Variants in DPP6 observed in about 807,000 individuals in gnomAD.
DPP6 encodes the protein dipeptidyl peptidase like 6.
In DPP6, 69 loss-of-function variants were observed where a neutral mutation model predicts 122.6. The ratio of observed to expected loss-of-function variants is 0.56; its 90% confidence interval spans 0.46 to 0.69. The LOEUF is 0.69. DPP6 is among the 30% of genes least tolerant of loss of function. DPP6 has a pLI of 0.00. For missense variants in DPP6, 928 were observed against 1,116.9 expected (o/e 0.83, Z 2.41); for synonymous variants, 418 against 433.1 (o/e 0.97, Z 0.43).
At chr7:154,566,678 A>G (rs1277269986) in intron 4 of DPP6, among the ~76,000 whole-genome samples, 164 bp from the exon 5 acceptor site, 1 of 152,224 alleles carries the variant, frequency 6.6e-6, no homozygotes, top group Non-Finnish European at 1.5e-5. Flanking sequence ...TAAAATATGA[A>G]AAAACATCAA....
intron 1 of DPP6, among the ~76,000 whole-genome samples, chr7:154,031,757 G>A (rs1032428766): frequency 5.9e-5 from 9 of 152,050 alleles, no homozygotes; most frequent in African/African-American, 1.9e-4. Flanking sequence ...AGCATTTCTG[G>A]AGTCCAGGCT....
chr7:154,359,842 C>T (rs1175326767), intron 1 of DPP6, among the ~76,000 whole-genome samples: 3 of 152,148 alleles, frequency 2.0e-5, no homozygotes, highest in East Asian at 1.9e-4. Flanking sequence ...GTTAGAGAAA[C>T]GTTTTGACTA....
At chr7:154,422,711 G>A (rs1474236988) in intron 1 of DPP6, among the ~76,000 whole-genome samples, 1 of 149,084 alleles carries the variant, frequency 6.7e-6, no homozygotes, top group African/African-American at 2.5e-5. Flanking sequence ...GTGGGTAGAT[G>A]GATGGGTGAG....
the DPP6 span, among the ~76,000 whole-genome samples, chr7:153,840,427 T>C: frequency 6.6e-6 from 1 of 152,188 alleles, no homozygotes; most frequent in South Asian, 2.1e-4. Context: ...TGTAATTTGA[T>C]TTTGGTACTT....
the DPP6 span, among the ~76,000 whole-genome samples, chr7:153,820,443 C>A: frequency 6.6e-6 from 1 of 152,156 alleles, no homozygotes; most frequent in Non-Finnish European, 1.5e-5. Flanking sequence ...TTAGCAGAGG[C>A]CTTCAGAATG....
At chr7:153,886,107 G>A (rs1418452616), upstream of DPP6, among the ~76,000 whole-genome samples, 1 of 111,550 alleles carries the variant, frequency 9.0e-6, no homozygotes, top group Non-Finnish European at 1.9e-5. Context: ...GCGCTGGCAC[G>A]CCCTTACACA....
At chr7:153,982,371 T>C (rs557007491) in intron 1 of DPP6, among the ~76,000 whole-genome samples, 16 of 151,712 alleles carry the variant, frequency 1.1e-4, no homozygotes, top group African/African-American at 2.2e-4. Flanking sequence ...ACAAAGTTCT[T>C]GTGCTGTGTT....
chr7:154,062,101 G>T lies in DPP6; in HGVS notation c.243+9038G>T, dbSNP rs75881534. On this transcript the variant is annotated intron_variant, in intron 1 of 25. Transcript: ENST00000377770. ...GCTCTTAGGACCCCCATCGCAGAGGGGGGACGCACCCCCCGCGAGGCGGGG... is the reference window on the plus strand; with the variant it reads ...GCTCTTAGGACCCCCATCGCAGAGGTGGGACGCACCCCCCGCGAGGCGGGG... 2.1e-4 allele frequency among the ~76,000 whole-genome samples: 21 copies of T among 102,000 alleles called. 2 individuals carry two copies. The highest frequency in any genetic ancestry group is 1.1e-3 in the East Asian group (4 of 3,536). 66.9% of individuals were successfully genotyped at this position (102,000 alleles called of 152,430 possible).
intron 1 of DPP6, among the ~76,000 whole-genome samples, chr7:154,003,952 C>G (rs6959181): frequency 0.14 from 21,482 of 152,110 alleles, 1,966 homozygotes; most frequent in African/African-American, 0.28. Context: ...GCAGAAGTAA[C>G]TGCAATGTAC....
intron 6 of DPP6, among the ~76,000 whole-genome samples, chr7:154,662,135 C>A (rs1837736922): frequency 6.6e-6 from 1 of 150,638 alleles, no homozygotes. Flanking sequence ...TTCATATAGT[C>A]ATGGTGAATC....
exon 1 of DPP6, chr7:153,887,645 C>T: frequency 6.2e-7 from 1 of 1,612,258 alleles, no homozygotes. Flanking sequence ...TTAAGTTTCT[C>T]TTCCCTGGAC....
In DPP6 at chr7:154,758,863, G is replaced by A. The variant is rs189115191; in HGVS notation, c.884-10554G>A. On this transcript the variant is annotated intron_variant, in intron 8 of 25. Coordinates refer to ENST00000377770, the MANE Select transcript of DPP6 (RefSeq NM_130797.4). ...CAGTAGAAGAAAGGCAGCCCAGAGA[G>A]GTGGGACCAGAGCTGGAGCCTGGGT... Among the ~76,000 whole-genome samples the A allele has an allele frequency of 5.7e-4, 87 of 152,314 alleles. 1 individual carries two copies. The highest frequency in any genetic ancestry group is 9.4e-4 in the Non-Finnish European group (64 of 68,026).
At chr7:153,869,458 G>T in the DPP6 span, among the ~76,000 whole-genome samples, 1 of 152,152 alleles carries the variant, frequency 6.6e-6, no homozygotes, top group Non-Finnish European at 1.5e-5. Context: ...TGCTTTATCA[G>T]AGACTAAGAT....
the DPP6 span, among the ~76,000 whole-genome samples, chr7:153,773,328 A>ATTTT: frequency 2.3e-3 from 154 of 68,332 alleles, no homozygotes; most frequent in African/African-American, 5.0e-3. Flanking sequence ...ATATATATAT[A>ATTTT]TATTTTTTTT....
chr7:153,759,302 G>T, the DPP6 span, among the ~76,000 whole-genome samples: 8 of 151,394 alleles, frequency 5.3e-5, no homozygotes, highest in Admixed American at 5.3e-4. Context: ...GTCTATAGGG[G>T]TATATAGTCT....
At chr7:154,608,529 G>A (rs540975497) in intron 5 of DPP6, among the ~76,000 whole-genome samples, 2 of 148,100 alleles carry the variant, frequency 1.4e-5, no homozygotes, top group African/African-American at 4.9e-5. Flanking sequence ...TAGAGGTGAG[G>A]TTTCACCATG....
intron 1 of DPP6, among the ~76,000 whole-genome samples, chr7:154,223,418 T>G (rs939325618): frequency 6.7e-6 from 1 of 149,058 alleles, no homozygotes; most frequent in Non-Finnish European, 1.5e-5. Flanking sequence ...GAGAGAGAGA[T>G]AAGAATCAAG....
chr7:153,898,687 A>G (rs1799513148), intron 1 of DPP6, among the ~76,000 whole-genome samples: 1 of 152,202 alleles, frequency 6.6e-6, no homozygotes, highest in Non-Finnish European at 1.5e-5. Flanking sequence ...CATGGGAGGA[A>G]AATGGCCGTC....
At chr7:154,457,084 A>G (rs1586329296) in intron 2 of DPP6, among the ~76,000 whole-genome samples, 2 of 68,150 alleles carry the variant, frequency 2.9e-5, no homozygotes, top group South Asian at 8.6e-4. Flanking sequence ...ATTATTTTGA[A>G]ATACGTCCCA....
Sources: gnomAD v4.1 joint callset for allele counts (sites outside exome capture counted in the v4.1 genomes callset) on GRCh38, gnomAD v4.1.1 for gene constraint, MANE v1.5 for transcripts, NCBI Gene and HGNC (gene_info 2026-07-23, HGNC 2026-07-21) for gene names.